The following EGFLAM variants were observed in gnomAD, a reference collection of about 807,000 sequenced individuals.
EGFLAM encodes EGF like, fibronectin type III and laminin G domains.
In EGFLAM, 79 loss-of-function variants were observed where a neutral mutation model predicts 113.1. The ratio of observed to expected loss-of-function variants is 0.70; its 90% CI spans 0.58 to 0.84. EGFLAM has a LOEUF of 0.84. EGFLAM is among the 40% of genes least tolerant of loss of function. The pLI is 0.00. For missense variants in EGFLAM, 1,265 were observed against 1,291.6 expected, an observed-to-expected ratio of 0.98 and a Z score of 0.32; for synonymous variants, 504 against 487.6, an observed-to-expected ratio of 1.03 and a Z score of -0.44.
At chr5:38,393,201 A>G (rs1305514361) in intron 6 of EGFLAM, among the ~76,000 whole-genome samples, 2 of 152,238 alleles carry the variant, frequency 1.3e-5, no homozygotes. Context: ...AAGAACTGAC[A>G]TCTTTATGAT....
intron 3 of EGFLAM, among the ~76,000 whole-genome samples, chr5:38,339,943 T>G (rs1023584052): frequency 5.9e-5 from 9 of 152,134 alleles, no homozygotes; most frequent in Non-Finnish European, 1.2e-4. Flanking sequence ...ATGTGTTGGG[T>G]TGGAACTTTC....
At chr5:38,444,871 G>A (rs997053968) in intron 17 of EGFLAM, among the ~76,000 whole-genome samples, 3 of 152,196 alleles carry the variant, frequency 2.0e-5, no homozygotes, top group Admixed American at 1.3e-4. Context: ...CTAGAACCCT[G>A]GAGGCAGAGG....
intron 1 of EGFLAM, among the ~76,000 whole-genome samples, chr5:38,288,680 A>T (rs931455923): frequency 9.9e-5 from 15 of 152,204 alleles, no homozygotes; most frequent in Admixed American, 9.8e-4. Context: ...GACAGACTAA[A>T]TGCTAATTTT....
Position 38,441,597 on chromosome 5 carries a change from C to CACACACAT in EGFLAM, c.2464+3149_2464+3150insTACACACA, listed in dbSNP as rs60672144. ...GGAATATGAATCGCTGCTTTGTACA[C>CACACACAT]ACACACACACACACACACACACACA... On this transcript the variant is annotated intron_variant, in intron 17 of 21. Transcript: ENST00000322350. Among the ~76,000 whole-genome samples the CACACACAT allele has an allele frequency of 4.4e-3, 666 of 150,506 alleles. 9 individuals are homozygous for CACACACAT. The highest frequency in any genetic ancestry group is 0.015 in the African/African-American group (616 of 40,960).
Position 38,417,999 on chromosome 5 carries a change from A to G in EGFLAM, c.1495-67A>G. 10 of 1,480,776 alleles carry G rather than the reference A, an allele frequency of 6.8e-6. No individual in the cohort carries two copies. In the South Asian group the frequency reaches 7.8e-5, roughly 12 times the overall value. 91.7% of individuals were successfully genotyped at this position (1,480,776 alleles called of 1,614,324 possible). On this transcript the variant is annotated intron_variant, in intron 11 of 21. Transcript: ENST00000322350. ...CGTCTTAACCATGTCCCTCATAAAA[A>G]TCTGGTGTGTTTTGGCTTTTGATTT... is the stretch of plus-strand genomic sequence containing the variant.
chr5:38,395,019 C>T (rs137981738), intron 6 of EGFLAM, among the ~76,000 whole-genome samples: 4,720 of 152,036 alleles, frequency 0.031, 231 homozygotes, highest in African/African-American at 0.097. Flanking sequence ...CGGCTCACTA[C>T]AACCTTCGCC....
intron 6 of EGFLAM, among the ~76,000 whole-genome samples, chr5:38,379,494 G>C (rs1740452275): frequency 6.6e-6 from 1 of 152,028 alleles, no homozygotes. Flanking sequence ...CCTGAGATAG[G>C]AGTTAATCTT....
rs181613696 is a variant in EGFLAM at position 38,271,675 on chromosome 5, C to T, written c.97+12824C>T. 1.6e-3 allele frequency among the ~76,000 whole-genome samples: 247 copies of T among 152,322 alleles called. 1 individual carries two copies. Among genetic ancestry groups the T allele is most frequent in the Admixed American group, 2.9e-3 (44 of 15,298 alleles). ...CTTCAAAGCATGTCCCAGTTACCTC[C>T]AGTTCTATGAAGTCTTCGTGTACTC... On this transcript the variant is annotated intron_variant, in intron 1 of 21. Transcript: ENST00000322350.
chr5:38,340,796 C>CCT (rs150987494), intron 3 of EGFLAM, among the ~76,000 whole-genome samples: 4 of 138,558 alleles, frequency 2.9e-5, no homozygotes, highest in African/African-American at 8.0e-5. Context: ...TCCACACATG[C>CCT]CTCTCTCTCT....
rs151061669 is a variant in EGFLAM, at chr5:38,393,578, T to A, written c.713-12548T>A. ...CTCTCAAACAATAATAAAACAGTAA[T>A]GATGAGACAGATTCGTTCCCTTGAC... On this transcript the variant is annotated intron_variant, in intron 6 of 21. Coordinates refer to ENST00000322350, the MANE Select transcript of EGFLAM (RefSeq NM_152403.4). Among the ~76,000 whole-genome samples the A allele has an allele frequency of 3.2e-3, 487 of 152,320 alleles. 1 individual carries two copies. Among genetic ancestry groups the A allele is most frequent in the African/African-American group, 0.011 (458 of 41,566 alleles).
Position 38,345,002 on chromosome 5 carries a change from G to A in EGFLAM, c.292-5499G>A, listed in dbSNP as rs2561121. Among the ~76,000 whole-genome samples, 1,253 of 152,270 alleles carry A rather than the reference G, an allele frequency of 8.2e-3. 20 individuals are homozygous for A. The highest frequency in any genetic ancestry group is 0.028 in the African/African-American group (1,163 of 41,552). On this transcript the variant is annotated intron_variant, in intron 3 of 21. Transcript: ENST00000322350. ...AAGGAGAGAATGGATACTGAGAGAC[G>A]AGTCATCCAGGTGACAGACTGTGAA...
At chr5:38,433,601 C>T (rs980710357) in intron 15 of EGFLAM, among the ~76,000 whole-genome samples, 2 of 152,226 alleles carry the variant, frequency 1.3e-5, no homozygotes, top group Non-Finnish European at 2.9e-5. Context: ...CCTCACTCCA[C>T]GAGGCCCCGC....
At chr5:38,361,891 C>T (rs1739932424) in intron 5 of EGFLAM, among the ~76,000 whole-genome samples, 1 of 141,682 alleles carries the variant, frequency 7.1e-6, no homozygotes, top group Admixed American at 7.5e-5. Flanking sequence ...AGAAGAATGG[C>T]TCATGGAGGA....
intron 1 of EGFLAM, among the ~76,000 whole-genome samples, chr5:38,335,639 CAG>C (rs1579787192): frequency 6.6e-6 from 1 of 152,106 alleles, no homozygotes; most frequent in Non-Finnish European, 1.5e-5. Flanking sequence ...ATGGCAGAGT[CAG>C]AGAGATCATT....
chr5:38,449,000 G>A (rs1022257153), intron 18 of EGFLAM, among the ~76,000 whole-genome samples: 1 of 152,246 alleles, frequency 6.6e-6, no homozygotes, highest in Admixed American at 6.5e-5. Context: ...AGAAGTCCCA[G>A]CCCTGGCCTG....
At chr5:38,270,885 G>T (rs1439096466) in intron 1 of EGFLAM, among the ~76,000 whole-genome samples, 1 of 152,142 alleles carries the variant, frequency 6.6e-6, no homozygotes, top group Non-Finnish European at 1.5e-5. Flanking sequence ...GAGTGGTAGA[G>T]ATGTTAACTT....
intron 6 of EGFLAM, among the ~76,000 whole-genome samples, chr5:38,381,888 G>C (rs1740520674): frequency 6.6e-6 from 1 of 152,134 alleles, no homozygotes; most frequent in Admixed American, 6.5e-5. Flanking sequence ...TCTGCCACTT[G>C]ATTCCTAAAA....
intron 1 of EGFLAM, among the ~76,000 whole-genome samples, chr5:38,318,857 C>T (rs566594121): frequency 2.0e-5 from 3 of 151,986 alleles, no homozygotes; most frequent in Non-Finnish European, 2.9e-5. Context: ...TCAGCGTGGT[C>T]ACAATAACTC....
chr5:38,289,280 C>CA lies in EGFLAM; in HGVS notation c.97+30430dup, dbSNP rs59972413. On this transcript the variant is annotated intron_variant, in intron 1 of 21. Transcript: ENST00000322350. ...CAATTACTCTTTCTTTCCCCGCCCC[C>CA]ACATTTCAGTTTCCAGGTCTTATTT... 2.2e-3 allele frequency among the ~76,000 whole-genome samples: 330 copies of CA among 150,382 alleles called. 3 individuals are homozygous for CA. The highest frequency in any genetic ancestry group is 6.2e-3 in the African/African-American group (253 of 40,668).
Sources: allele counts gnomAD v4.1 joint callset (sites outside exome capture counted in the v4.1 genomes callset), GRCh38; gene constraint gnomAD v4.1.1; transcripts MANE v1.5; gene names NCBI Gene and HGNC (gene_info 2026-07-23, HGNC 2026-07-21).